The following MYO5B variants were observed in gnomAD, a reference collection of about 807,000 sequenced individuals.
MYO5B encodes the protein unconventional myosin-Vb.
In MYO5B, 143 loss-of-function variants were observed where a neutral mutation model predicts 229.3. The ratio of observed to expected loss-of-function variants is 0.62; its 90% CI spans 0.54 to 0.72. The LOEUF (loss-of-function observed/expected upper bound fraction) is 0.72. Among genes scored for constraint, MYO5B ranks in the 30% least tolerant of loss-of-function variants. MYO5B has a pLI of 0.00. For synonymous variants in MYO5B, 918 were observed against 885.2 expected, an observed-to-expected ratio of 1.04 and a Z score of -0.66; for missense variants, 2,321 against 2,331.0, an observed-to-expected ratio of 1.00 and a Z score of 0.09.
chr18:49,906,649 G>T lies in MYO5B; in HGVS notation c.2203-19C>A, dbSNP rs768717396. 4 of 1,600,432 alleles carry T rather than the reference G, an allele frequency of 2.5e-6. No individual in the cohort carries two copies. The highest frequency in any genetic ancestry group is 3.4e-6 in the Non-Finnish European group (4 of 1,168,044). ...CGGGGTCCTTTACAAGGTAGGGAGGGGATCTGGTTGGTCACCAGTGAGCAG... is the reference window on the plus strand; with the variant it reads ...CGGGGTCCTTTACAAGGTAGGGAGGTGATCTGGTTGGTCACCAGTGAGCAG... On this transcript the variant is annotated intron_variant, in intron 18 of 39. Transcript: ENST00000285039.
At chr18:49,915,405 G>C (rs554961796) in intron 17 of MYO5B, among the ~76,000 whole-genome samples, 1 of 152,164 alleles carries the variant, frequency 6.6e-6, no homozygotes, top group East Asian at 1.9e-4. Context: ...ACAAGAGCCC[G>C]TATTCAGCTC....
intron 1 of MYO5B, among the ~76,000 whole-genome samples, chr18:50,145,337 A>T (rs1297832108): frequency 6.6e-6 from 1 of 151,780 alleles, no homozygotes; most frequent in African/African-American, 2.4e-5. Flanking sequence ...AACACAAAAA[A>T]TTAGCTGGGT....
intron 7 of MYO5B, 34 bp downstream of exon 7, chr18:49,990,405 A>AC (rs754671481): frequency 7.6e-6 from 12 of 1,573,884 alleles, no homozygotes; most frequent in Non-Finnish European, 1.0e-5. Flanking sequence ...GCAGTAGCCC[A>AC]CCCCAGAGGA....
At chr18:50,034,576 C>A (rs1197215164) in intron 4 of MYO5B, among the ~76,000 whole-genome samples, 1 of 152,030 alleles carries the variant, frequency 6.6e-6, no homozygotes, top group African/African-American at 2.4e-5. Context: ...AAACCCCGTC[C>A]CTACTAAAAA....
intron 17 of MYO5B, among the ~76,000 whole-genome samples, chr18:49,924,382 G>A (rs1289652888): frequency 6.6e-6 from 1 of 152,164 alleles, no homozygotes; most frequent in Admixed American, 6.5e-5. Flanking sequence ...TTTAAGGATA[G>A]GGAAACCTAG....
At chr18:50,041,852 A>G (rs1019105404) in intron 2 of MYO5B, among the ~76,000 whole-genome samples, 1 of 152,200 alleles carries the variant, frequency 6.6e-6, no homozygotes, top group Non-Finnish European at 1.5e-5. Context: ...AGGGAAAAGG[A>G]GACAGCGATT....
At chr18:50,157,276 T>C (rs1434191180) in intron 1 of MYO5B, among the ~76,000 whole-genome samples, 2 of 152,284 alleles carry the variant, frequency 1.3e-5, no homozygotes, top group African/African-American at 4.8e-5. Context: ...CAGCTAATTT[T>C]TGTATTTTTA....
intron 1 of MYO5B, among the ~76,000 whole-genome samples, chr18:50,114,382 C>T (rs1181451041): frequency 6.6e-6 from 1 of 152,158 alleles, no homozygotes; most frequent in Non-Finnish European, 1.5e-5. Context: ...CTTAAACTAA[C>T]TCTCAGCCTA....
rs755178088 is a variant in MYO5B at position 49,841,422 on chromosome 18, G to T, written c.4644C>A (p.Phe1548Leu). The change falls in exon 35 of 40, where the codon TTC becomes TTA. Residue 1548 changes from phenylalanine (F) to leucine (L), a missense_variant. By Grantham distance (22) the Phe-to-Leu change is conservative. Transcript: ENST00000285039. ...KHNDDFEMTS[F>L]WLSNTCRLLH... ...GAAGGCGGCAGGTGTTGGATAACCA[G>T]AATGACGTCATCTCAAAGTCATCAT... The T allele has an allele frequency of 6.2e-7, 1 of 1,614,206 alleles. No individual in the cohort carries two copies. Among genetic ancestry groups the T allele is most frequent in the Admixed American group, 1.7e-5 (1 of 60,030 alleles).
intron 1 of MYO5B, among the ~76,000 whole-genome samples, chr18:50,063,605 C>G (rs2030744562): frequency 1.3e-5 from 2 of 152,206 alleles, no homozygotes; most frequent in African/African-American, 4.8e-5. Context: ...AAGAGTCGCT[C>G]TGATGCGGTA....
At position 49,990,452 on chromosome 18, in the gene MYO5B, T is replaced by C. The variant is rs746762511; in HGVS notation, c.825A>G (p.Lys275=). 6.2e-6 allele frequency: 10 copies of C among 1,613,732 alleles called. No homozygotes were observed. Among genetic ancestry groups the C allele is most frequent in the Non-Finnish European group, 8.5e-6 (10 of 1,179,712 alleles). The change falls in exon 7 of 40, where the codon AAA becomes AAG. Residue 275 remains lysine (K), a synonymous_variant. Coordinates refer to ENST00000285039, the MANE Select transcript of MYO5B (RefSeq NM_001080467.3). ...LCAAAGLPEF[K]ELALTSAEDF... is the part of the protein sequence containing the mutation. Reference sequence around the variant, plus strand: ...CTGTTGACTTACTTAGTGCAAGCTCTTTAAATTCTGGAAGACCGGCAGCAG... The same window carrying C: ...CTGTTGACTTACTTAGTGCAAGCTCCTTAAATTCTGGAAGACCGGCAGCAG...
chr18:50,039,260 A>T (rs2029928977), intron 3 of MYO5B, among the ~76,000 whole-genome samples: 1 of 152,220 alleles, frequency 6.6e-6, no homozygotes, highest in Non-Finnish European at 1.5e-5. Flanking sequence ...CCACTTAGCA[A>T]TACTCTTTAA....
intron 4 of MYO5B, among the ~76,000 whole-genome samples, chr18:50,023,064 G>A (rs543413072): frequency 6.6e-6 from 1 of 151,796 alleles, no homozygotes; most frequent in East Asian, 1.9e-4. Context: ...GGGTCTTCTA[G>A]GCATCTTCTT....
At chr18:49,912,680 T>G (rs1041372609) in intron 17 of MYO5B, among the ~76,000 whole-genome samples, 1 of 152,174 alleles carries the variant, frequency 6.6e-6, no homozygotes, top group Non-Finnish European at 1.5e-5. Flanking sequence ...GTTCCTTTGC[T>G]CCTCCTTTGT....
At chr18:49,847,778 G>A (rs1428241254) in intron 32 of MYO5B, among the ~76,000 whole-genome samples, 3 of 152,236 alleles carry the variant, frequency 2.0e-5, no homozygotes, top group East Asian at 1.9e-4. Context: ...TGACACAGCC[G>A]CAGGGCAAAC....
intron 32 of MYO5B, among the ~76,000 whole-genome samples, chr18:49,848,319 T>C (rs1311181115): frequency 1.3e-5 from 2 of 149,812 alleles, no homozygotes; most frequent in Non-Finnish European, 3.0e-5. Context: ...TGGGTGCTGA[T>C]GGTGGTGGGG....
At chr18:50,141,365 A>G (rs2032414665) in intron 1 of MYO5B, among the ~76,000 whole-genome samples, 1 of 152,234 alleles carries the variant, frequency 6.6e-6, no homozygotes, top group African/African-American at 2.4e-5. Context: ...TATGACTGCA[A>G]AATTGCCCTG....
At position 49,997,936 on chromosome 18, in the gene MYO5B, T is replaced by A. The variant is rs545206688; in HGVS notation, c.612+3319A>T. Among the ~76,000 whole-genome samples, 8 of 152,282 alleles carry A rather than the reference T, an allele frequency of 5.3e-5. No homozygotes were observed. The East Asian group carries it at 1.5e-3, about 29-fold the overall frequency. ...ATGGGGCAGAGCAATCAATCAGTAA[T>A]CAGCTGTCTGTCCCCTGATTAAGAC... On this transcript the variant is annotated intron_variant, in intron 5 of 39. Coordinates refer to ENST00000285039, the MANE Select transcript of MYO5B (RefSeq NM_001080467.3).
At chr18:50,133,300 A>T (rs938442702) in intron 1 of MYO5B, among the ~76,000 whole-genome samples, 2 of 152,272 alleles carry the variant, frequency 1.3e-5, no homozygotes, top group Admixed American at 1.3e-4. Flanking sequence ...AAATAAGCAC[A>T]AACAAAATAA....
Sources: allele counts gnomAD v4.1 joint callset (sites outside exome capture counted in the v4.1 genomes callset), GRCh38; gene constraint gnomAD v4.1.1; transcripts MANE v1.5; gene names NCBI Gene and HGNC (gene_info 2026-07-23, HGNC 2026-07-21).